RPA1: variants seen among roughly 807,000 people sequenced by gnomAD.
The protein encoded by RPA1 is replication protein A1.
RPA1 carries 49 observed loss-of-function variants against 83.0 expected under a neutral mutation model. That is an observed-to-expected ratio of 0.59 (90% CI 0.47 to 0.75). The LOEUF is 0.75. Among genes scored for constraint, RPA1 ranks in the 30% least tolerant of loss-of-function variants. The probability of loss-of-function intolerance (pLI) is 0.00; values close to 1 mark genes in which losing one functional copy is unlikely to be tolerated. For synonymous variants in RPA1, 279 were observed against 281.8 expected, an observed-to-expected ratio of 0.99 and a Z score of 0.10; for missense variants, 693 against 776.1, an observed-to-expected ratio of 0.89 and a Z score of 1.27.
At position 1,899,899 on chromosome 17, in the gene RPA1, G is replaced by T. The variant is rs1470436473; in HGVS notation, c.*2724G>T. The T allele has an allele frequency of 6.6e-6, 1 of 152,094 alleles. No individual in the cohort carries two copies. The highest frequency in any genetic ancestry group is 1.5e-5 in the Non-Finnish European group (1 of 68,042). The allele number at this position is 152,094 out of a possible 1,614,324, so 9.4% of individuals were successfully genotyped here. A position where few individuals can be genotyped will look rare whatever the true frequency, so the allele number is the denominator to read the frequency against. ...ACTGATTGTTTCCTTGTCTCAAAGG[G>T]AAGATTCCCCCCACTCCCCGGCCAC... is the stretch of plus-strand genomic sequence containing the variant. On this transcript the variant is annotated 3_prime_UTR_variant, in exon 17 of 17. Transcript: ENST00000254719.
chr17:1,894,132 A>C (rs890177731), intron 15 of RPA1, among the ~76,000 whole-genome samples: 15 of 150,192 alleles, frequency 1.0e-4, no homozygotes, highest in Non-Finnish European at 1.5e-4. Context: ...GTCTCCCAAA[A>C]CATTGGGATT....
At chr17:1,889,054 G>A (rs1004525900) in intron 14 of RPA1, among the ~76,000 whole-genome samples, 1 of 151,306 alleles carries the variant, frequency 6.6e-6, no homozygotes, top group Non-Finnish European at 1.5e-5. Context: ...TTTCATGCAC[G>A]TCATACAGCC....
intron 5 of RPA1, chr17:1,858,480 T>C: frequency 8.8e-7 from 1 of 1,133,534 alleles, no homozygotes; most frequent in South Asian, 1.2e-5. Context: ...CTTTTTTTTT[T>C]TGAGACAGAG....
chr17:1,847,195 G>A (rs891883576), intron 4 of RPA1, among the ~76,000 whole-genome samples: 1 of 152,214 alleles, frequency 6.6e-6, no homozygotes, highest in African/African-American at 2.4e-5. Flanking sequence ...TGCTTAATGT[G>A]GACAGTCCTG....
intron 5 of RPA1, among the ~76,000 whole-genome samples, chr17:1,871,759 TC>T (rs892698530): frequency 6.6e-6 from 1 of 151,832 alleles, no homozygotes; most frequent in African/African-American, 2.4e-5. Flanking sequence ...CACGCTCATT[TC>T]CCCCCCTTTA....
intron 5 of RPA1, among the ~76,000 whole-genome samples, chr17:1,857,266 T>A (rs994894458): frequency 4.0e-4 from 48 of 119,338 alleles, no homozygotes; most frequent in African/African-American, 1.8e-3. Context: ...TTTTTCTTTT[T>A]CTTTTTTTTT....
intron 5 of RPA1, among the ~76,000 whole-genome samples, chr17:1,864,825 G>A (rs922547920): frequency 5.3e-5 from 8 of 152,140 alleles, no homozygotes; most frequent in African/African-American, 1.4e-4. Flanking sequence ...ACTTGAGCCC[G>A]GGAGGTGGAA....
At chr17:1,850,261 G>A (rs189257454) in intron 4 of RPA1, among the ~76,000 whole-genome samples, 198 of 152,066 alleles carry the variant, frequency 1.3e-3, no homozygotes, top group Non-Finnish European at 2.2e-3. Context: ...GGCTAGGCTG[G>A]TGGCTCACGC....
intron 5 of RPA1, among the ~76,000 whole-genome samples, chr17:1,857,427 C>T (rs796424696): frequency 2.1e-4 from 32 of 152,126 alleles, no homozygotes; most frequent in African/African-American, 5.8e-4. Context: ...GGATCTTCCT[C>T]GTGTCCAAAG....
Position 1,883,932 on chromosome 17 carries a change from C to T in RPA1, c.1362C>T (p.Gly454=), listed in dbSNP as rs1913900377. ...TLYEVKSENL[G]QGDKPDYFSS... ...ATGAGGTCAAATCCGAGAACCTGGG[C>T]CAAGGCGACAAGGTACCCAGCATTC... The change falls in exon 13 of 17, where the codon GGC becomes GGT. Residue 454 remains glycine, a synonymous_variant. Transcript: ENST00000254719. 6.2e-7 allele frequency: 1 copy of T among 1,613,878 alleles called. No individual in the cohort carries two copies.
chr17:1,837,966 T>C (rs1396203777), intron 1 of RPA1, among the ~76,000 whole-genome samples: 1 of 152,176 alleles, frequency 6.6e-6, no homozygotes, highest in East Asian at 1.9e-4. Context: ...TTTTGTTTTG[T>C]TTTTTGCAGA....
rs1914476628 is a variant in RPA1, at chr17:1,897,227, A to T, written c.*52A>T. 1 of 1,336,742 alleles carries T rather than the reference A, an allele frequency of 7.5e-7. No homozygotes were observed. Among genetic ancestry groups the T allele is most frequent in the South Asian group, 1.4e-5 (1 of 73,584 alleles). 82.8% of individuals were successfully genotyped at this position (1,336,742 alleles called of 1,614,324 possible). A position where few individuals can be genotyped will look rare whatever the true frequency, so the allele number is the denominator to read the frequency against. On this transcript the variant is annotated 3_prime_UTR_variant, in exon 17 of 17. Coordinates refer to ENST00000254719, the MANE Select transcript of RPA1 (RefSeq NM_002945.5). ...TTTGCAAATAGGCAGAATGGAATCG[A>T]TTTCCTCCCACCTCCGTGTGACGAT... is the stretch of plus-strand genomic sequence containing the variant.
chr17:1,853,097 G>A lies in RPA1; in HGVS notation c.273-4G>A. 1 of 1,613,624 alleles carries A rather than the reference G, an allele frequency of 6.2e-7. No individual in the cohort carries two copies. Among genetic ancestry groups the A allele is most frequent in the South Asian group, 1.1e-5 (1 of 91,028 alleles). On this transcript the variant is annotated splice_polypyrimidine_tract_variant and splice_region_variant and intron_variant, in intron 4 of 16. Coordinates refer to ENST00000254719, the MANE Select transcript of RPA1 (RefSeq NM_002945.5). ...AACCTGTTTCTGTTTGTCTGCTTTT[G>A]CAGGAGAGTAGTTATCTTGATGGAA...
chr17:1,879,319 C>T lies in RPA1; in HGVS notation c.864C>T (p.Pro288=), dbSNP rs376752316. 31 of 1,614,078 alleles carry T rather than the reference C, an allele frequency of 1.9e-5. No homozygotes were observed. The highest frequency in any genetic ancestry group is 2.1e-5 in the Non-Finnish European group (25 of 1,180,050). ...MTFNNETSVM[P]CEDDHHLPTV... ...TCAATAACGAGACTTCCGTCATGCCCTGTGAGGACGACCATCATTTACCTA... is the reference window on the plus strand; with the variant it reads ...TCAATAACGAGACTTCCGTCATGCCTTGTGAGGACGACCATCATTTACCTA... The change falls in exon 10 of 17, where the codon CCC becomes CCT. Residue 288 remains proline (P), a synonymous_variant. Transcript: ENST00000254719.
intron 1 of RPA1, among the ~76,000 whole-genome samples, chr17:1,833,588 C>T (rs1282893401): frequency 6.6e-6 from 1 of 152,228 alleles, no homozygotes; most frequent in Non-Finnish European, 1.5e-5. Flanking sequence ...GGCGCAGTGG[C>T]TCACGCCTGT....
In RPA1 at chr17:1,898,971, C is replaced by G. The variant is rs1224609681; in HGVS notation, c.*1796C>G. The stretch of plus-strand genomic sequence containing the variant: ...TTTCATGCCTACTACTCCCAGCATT[C>G]CCTCCTCTCCCCACGTGTCTGTCCA... On this transcript the variant is annotated 3_prime_UTR_variant, in exon 17 of 17. Coordinates refer to ENST00000254719, the MANE Select transcript of RPA1 (RefSeq NM_002945.5). 6.5e-6 allele frequency: 1 copy of G among 152,948 alleles called. No individual in the cohort carries two copies. Among genetic ancestry groups the G allele is most frequent in the Non-Finnish European group, 1.5e-5 (1 of 68,154 alleles). The allele number at this position is 152,948 out of a possible 1,614,324, so 9.5% of individuals were successfully genotyped here.
At chr17:1,852,398 C>T (rs946527770) in intron 4 of RPA1, among the ~76,000 whole-genome samples, 3 of 152,140 alleles carry the variant, frequency 2.0e-5, no homozygotes, top group Admixed American at 1.3e-4. Flanking sequence ...ATGTTTGAGA[C>T]GAGAGCTAAA....
At position 1,839,105 on chromosome 17, in the gene RPA1, C is replaced by G. The variant is rs146865703; in HGVS notation, c.34-3698C>G. 8.4e-3 allele frequency among the ~76,000 whole-genome samples: 1,286 copies of G among 152,280 alleles called. 20 individuals carry two copies. Among genetic ancestry groups the G allele is most frequent in the African/African-American group, 0.029 (1,211 of 41,552 alleles). ...CCTGACCTCGTCGTGATCCACCTGC[C>G]TCGGCCTCCCAAAGTGCTGGGATTA... On this transcript the variant is annotated intron_variant, in intron 1 of 16. Coordinates refer to ENST00000254719, the MANE Select transcript of RPA1 (RefSeq NM_002945.5).
At chr17:1,849,289 CTT>C (rs61062085) in intron 4 of RPA1, among the ~76,000 whole-genome samples, 10 of 116,316 alleles carry the variant, frequency 8.6e-5, no homozygotes, top group Admixed American at 4.6e-4. Context: ...GTTGGCTGTT[CTT>C]TTTTTTTTTT....
Sources: gnomAD v4.1 joint callset for allele counts (sites outside exome capture counted in the v4.1 genomes callset) on GRCh38, gnomAD v4.1.1 for gene constraint, MANE v1.5 for transcripts, NCBI Gene and HGNC (gene_info 2026-07-23, HGNC 2026-07-21) for gene names.